Variants in SLAMF9 observed in about 807,000 individuals in gnomAD.
The protein encoded by SLAMF9 is CD2 family member 10.
Under a neutral mutation model 30.4 loss-of-function variants are expected in SLAMF9, and 25 were observed. The ratio of observed to expected loss-of-function variants is 0.82; its 90% CI spans 0.60 to 1.15. The LOEUF is 1.15. Ranked by LOEUF, SLAMF9 falls within the 50% of genes most tolerant of loss-of-function variation. The pLI is 0.00. For synonymous variants in SLAMF9, 129 were observed against 127.2 expected, an observed-to-expected ratio of 1.01 and a Z score of -0.09; for missense variants, 344 against 346.1, an observed-to-expected ratio of 0.99 and a Z score of 0.05.
At chr1:159,967,138 G>A in the SLAMF9 span, among the ~76,000 whole-genome samples, 1,058 of 152,066 alleles carry the variant, frequency 7.0e-3, 11 homozygotes, top group African/African-American at 0.024. Flanking sequence ...AGTCTTTCCC[G>A]TTTTGAGTTT....
chr1:159,956,334 G>A (rs1331096240), upstream of SLAMF9, among the ~76,000 whole-genome samples: 2 of 152,134 alleles, frequency 1.3e-5, no homozygotes, highest in Non-Finnish European at 2.9e-5. Context: ...TCAGGGCATG[G>A]TGATGCATGC....
the SLAMF9 span, chr1:159,961,301 T>C: frequency 2.6e-5 from 4 of 152,092 alleles, no homozygotes; most frequent in Middle Eastern, 9.5e-3. Context: ...GGAAAGATAA[T>C]AAAAGGCCAA....
At chr1:159,978,843 T>TA in the SLAMF9 span, 2 of 152,206 alleles carry the variant, frequency 1.3e-5, no homozygotes, top group Non-Finnish European at 2.9e-5. Context: ...AATTTCCTTG[T>TA]AAAAATATAG....
chr1:159,954,923 A>G (rs993218985), upstream of SLAMF9, among the ~76,000 whole-genome samples: 2 of 152,060 alleles, frequency 1.3e-5, no homozygotes, highest in African/African-American at 2.4e-5. Flanking sequence ...TACTAAAAAT[A>G]CAAAAATTAG....
At chr1:159,981,639 C>T in the SLAMF9 span, among the ~76,000 whole-genome samples, 3 of 152,354 alleles carry the variant, frequency 2.0e-5, no homozygotes, top group East Asian at 1.9e-4. Flanking sequence ...CATCTCTGTG[C>T]TGTCAGGGAG....
chr1:159,980,897 T>G, the SLAMF9 span, among the ~76,000 whole-genome samples: 3 of 152,238 alleles, frequency 2.0e-5, no homozygotes, highest in African/African-American at 4.8e-5. Context: ...TCTCTGCATG[T>G]TGGCATCTCT....
chr1:159,961,363 G>A, the SLAMF9 span: 1 of 152,202 alleles, frequency 6.6e-6, no homozygotes, highest in Non-Finnish European at 1.5e-5. Flanking sequence ...GAAAGCTGGG[G>A]ACCCACACGG....
chr1:159,973,219 C>T, the SLAMF9 span: 3 of 1,238,148 alleles, frequency 2.4e-6, no homozygotes, highest in Admixed American at 1.8e-5. Flanking sequence ...CTCAGGGTAA[C>T]CAGGCTTCCC....
rs749296525 is a variant in SLAMF9 at position 159,952,534 on chromosome 1, C to A, written c.392G>T (p.Arg131Leu). 2 of 1,613,276 alleles carry A rather than the reference C, an allele frequency of 1.2e-6. No homozygotes were observed. Among genetic ancestry groups the A allele is most frequent in the South Asian group, 2.2e-5 (2 of 91,078 alleles). ...AGTGATCTGGGGCTCTGACAGCCAT[C>A]CTGGATGAAGGGGAAACACAAAGAC... Reference protein sequence around the residue: ...TMQQYNICVYRWLSEPQITVN... With the variant: ...TMQQYNICVYLWLSEPQITVN... The change falls in exon 3 of 4, where the codon CGA becomes CTA. Residue 131 changes from arginine (R) to leucine (L), a missense_variant and splice_region_variant. Physicochemically the swap from Arg to Leu is moderately radical, Grantham distance 102. Coordinates refer to ENST00000368093, the MANE Select transcript of SLAMF9 (RefSeq NM_033438.4).
upstream of SLAMF9, among the ~76,000 whole-genome samples, chr1:159,954,991 T>C (rs1453095664): frequency 6.7e-6 from 1 of 149,268 alleles, no homozygotes; most frequent in Non-Finnish European, 1.5e-5. Flanking sequence ...GGCAAGAGAA[T>C]CACTTGAACC....
the SLAMF9 span, among the ~76,000 whole-genome samples, chr1:159,977,930 G>C: frequency 6.6e-6 from 1 of 152,158 alleles, no homozygotes; most frequent in Admixed American, 6.5e-5. Context: ...GGAAAAGGGA[G>C]GGGGTGAGAT....
At chr1:159,974,797 A>G in the SLAMF9 span, among the ~76,000 whole-genome samples, 2,753 of 152,352 alleles carry the variant, frequency 0.018, 25 homozygotes, top group South Asian at 0.033. Context: ...CTGGGAGTCA[A>G]GCCTGAGGAT....
At chr1:159,952,237 G>A (rs1220547567) in intron 3 of SLAMF9, 25 bp downstream of exon 3, 2 of 1,612,470 alleles carry the variant, frequency 1.2e-6, no homozygotes, top group South Asian at 1.1e-5. Context: ...CATGAGCTCA[G>A]GGGGTGTCTC....
chr1:159,973,797 C>T, the SLAMF9 span: 2 of 1,613,634 alleles, frequency 1.2e-6, no homozygotes, highest in South Asian at 2.2e-5. Flanking sequence ...TGGTGACTTA[C>T]CTTGGACTTG....
intron 3 of SLAMF9, 137 bp downstream of exon 3, chr1:159,952,125 T>TAGGA: frequency 9.7e-7 from 1 of 1,035,376 alleles, no homozygotes; most frequent in Non-Finnish European, 1.4e-6. Flanking sequence ...TCCTCTCCAA[T>TAGGA]CCAGGTGTCA....
intron 1 of SLAMF9, 150 bp downstream of exon 1, chr1:159,953,942 G>A: frequency 1.1e-6 from 1 of 932,486 alleles, no homozygotes; most frequent in South Asian, 1.7e-5. Flanking sequence ...TCTCGGTCCT[G>A]CCCTGAAGCC....
chr1:159,974,516 C>T, the SLAMF9 span, among the ~76,000 whole-genome samples: 5 of 152,260 alleles, frequency 3.3e-5, no homozygotes, highest in African/African-American at 1.2e-4. Flanking sequence ...CAGGTCCGGA[C>T]GTGTGAGAAT....
chr1:159,962,362 G>T, the SLAMF9 span, among the ~76,000 whole-genome samples: 1 of 152,016 alleles, frequency 6.6e-6, no homozygotes, highest in Non-Finnish European at 1.5e-5. Context: ...TTTACCTTTG[G>T]CCCGGGGCGG....
chr1:159,976,959 AGAGAAAGAAAGAAGGAAAGAAG>A, the SLAMF9 span: 14 of 11,874 alleles, frequency 1.2e-3, no homozygotes, highest in African/African-American at 2.1e-3. Flanking sequence ...AAAGAAAGAA[AGAGAAAGAAAGAAGGAAAGAAG>A]GAAAGAAGGA....
Sources: allele counts gnomAD v4.1 joint callset (sites outside exome capture counted in the v4.1 genomes callset), GRCh38; gene constraint gnomAD v4.1.1; transcripts MANE v1.5; gene names NCBI Gene and HGNC (gene_info 2026-07-23, HGNC 2026-07-21).